The following SRGAP1 variants were observed in gnomAD, a reference collection of about 807,000 sequenced individuals.
SRGAP1 encodes the protein SLIT-ROBO Rho GTPase activating protein 1, also known as SLIT-ROBO Rho GTPase-activating protein 1.
Under a neutral mutation model 121.9 loss-of-function variants are expected in SRGAP1, and 43 were observed. The ratio of observed to expected loss-of-function variants is 0.35; its 90% confidence interval spans 0.28 to 0.46. The LOEUF (loss-of-function observed/expected upper bound fraction) is 0.46, where lower values mean the gene tolerates loss of function less well. Ranked by LOEUF, SRGAP1 falls within the 20% of genes least tolerant of loss-of-function variation. The probability of loss-of-function intolerance (pLI) is 1.00; values close to 1 mark genes in which losing one functional copy is unlikely to be tolerated. For synonymous variants in SRGAP1, 447 were observed against 485.4 expected (o/e 0.92, Z 1.04); for missense variants, 1,102 against 1,350.9 (o/e 0.82, Z 2.89).
intron 1 of SRGAP1, among the ~76,000 whole-genome samples, chr12:63,954,741 T>G (rs905352587): frequency 1.4e-5 from 2 of 142,634 alleles, no homozygotes; most frequent in African/African-American, 5.2e-5. Flanking sequence ...AATGGAAAAA[T>G]AGTTGAGCTA....
At chr12:63,943,215 C>T (rs1380872204) in intron 1 of SRGAP1, among the ~76,000 whole-genome samples, 1 of 152,110 alleles carries the variant, frequency 6.6e-6, no homozygotes, top group Admixed American at 6.5e-5. Flanking sequence ...TAATAAGCTG[C>T]AGACATTTTT....
rs59020353 is a variant in SRGAP1 at position 64,101,308 on chromosome 12, GGTGTGTGTGTGTGTGTGTGTGT to G, written c.1813+3955_1813+3976del. Among the ~76,000 whole-genome samples the G allele has an allele frequency of 3.7e-3, 515 of 138,096 alleles. 4 individuals are homozygous for G. The highest frequency in any genetic ancestry group is 0.019 in the Middle Eastern group (5 of 258). 90.6% of individuals were successfully genotyped at this position (138,096 alleles called of 152,430 possible). A position where few individuals can be genotyped will look rare whatever the true frequency, so the allele number is the denominator to read the frequency against. On this transcript the variant is annotated intron_variant, in intron 15 of 21. Coordinates refer to ENST00000355086, the MANE Select transcript of SRGAP1 (RefSeq NM_020762.4). ...TATTTTTGGATTGTTTGGGGAAAGG[GGTGTGTGTGTGTGTGTGTGTGT>G]GTGTGTGTGTGTGTGTGTGTGATGA...
chr12:64,147,929 A>G lies in SRGAP1; in HGVS notation c.*5257A>G, dbSNP rs1166956840. Reference sequence around the variant, plus strand: ...ACTTTCTCCTTGACAGCTAGCTTGCATTAAATAATGTGAAACTTTTACCTT... The same window carrying G: ...ACTTTCTCCTTGACAGCTAGCTTGCGTTAAATAATGTGAAACTTTTACCTT... On this transcript the variant is annotated 3_prime_UTR_variant, in exon 22 of 22. Coordinates refer to ENST00000355086, the MANE Select transcript of SRGAP1 (RefSeq NM_020762.4). 2.8e-6 allele frequency: 1 copy of G among 357,526 alleles called. No homozygotes were observed. Among genetic ancestry groups the G allele is most frequent in the Non-Finnish European group, 5.0e-6 (1 of 201,228 alleles). The allele number at this position is 357,526 out of a possible 1,614,324, so 22.1% of individuals were successfully genotyped here. A position where few individuals can be genotyped will look rare whatever the true frequency, so the allele number is the denominator to read the frequency against.
chr12:64,133,314 C>T (rs2036813683), intron 21 of SRGAP1, among the ~76,000 whole-genome samples: 1 of 152,182 alleles, frequency 6.6e-6, no homozygotes, highest in African/African-American at 2.4e-5. Flanking sequence ...GGGGTTCTGC[C>T]AGCTGCTAAG....
chr12:64,016,423 G>A (rs1021666168), intron 3 of SRGAP1, among the ~76,000 whole-genome samples: 6 of 152,094 alleles, frequency 3.9e-5, no homozygotes, highest in African/African-American at 1.4e-4. Context: ...GGGGTTCAAG[G>A]TTGCGGTGAG....
chr12:63,904,513 G>T (rs1264061176), intron 1 of SRGAP1, among the ~76,000 whole-genome samples: 1 of 152,194 alleles, frequency 6.6e-6, no homozygotes, highest in Non-Finnish European at 1.5e-5. Context: ...CTCTCCAGCT[G>T]TATGTGGCAC....
At chr12:63,886,760 C>T (rs1387059193) in intron 1 of SRGAP1, among the ~76,000 whole-genome samples, 2 of 152,070 alleles carry the variant, frequency 1.3e-5, no homozygotes, top group African/African-American at 2.4e-5. Flanking sequence ...CGTGAGACAC[C>T]ACGTCTGGCC....
intron 9 of SRGAP1, among the ~76,000 whole-genome samples, 156 bp downstream of exon 9, chr12:64,079,272 G>A (rs1038426034): frequency 6.6e-6 from 1 of 152,246 alleles, no homozygotes; most frequent in East Asian, 1.9e-4. Context: ...TTCGGAAAGA[G>A]TTTAGGAGTT....
At chr12:64,092,279 T>C (rs980937284) in intron 12 of SRGAP1, among the ~76,000 whole-genome samples, 11 of 152,308 alleles carry the variant, frequency 7.2e-5, no homozygotes, top group African/African-American at 2.6e-4. Context: ...GCTTTCTCCT[T>C]TGTAGTTCAC....
Position 64,146,742 on chromosome 12 carries a change from C to CT in SRGAP1, c.*4071dup, listed in dbSNP as rs2037058617. 1 of 152,162 alleles carries CT rather than the reference C, an allele frequency of 6.6e-6. No homozygotes were observed. The highest frequency in any genetic ancestry group is 1.9e-4 in the East Asian group (1 of 5,180). The allele number at this position is 152,162 out of a possible 1,614,324, so 9.4% of individuals were successfully genotyped here. ...AATAGAGCTCCCTACTCCAGACCACCTGCCACCCACCTCCCAAGTTGAGAA... is the reference window on the plus strand; with the variant it reads ...AATAGAGCTCCCTACTCCAGACCACCTTGCCACCCACCTCCCAAGTTGAGAA... On this transcript the variant is annotated 3_prime_UTR_variant, in exon 22 of 22. Transcript: ENST00000355086.
chr12:63,972,416 A>G lies in SRGAP1; in HGVS notation c.68-11531A>G, dbSNP rs191323710. 7.9e-5 allele frequency among the ~76,000 whole-genome samples: 12 copies of G among 152,342 alleles called. No homozygotes were observed. In the East Asian group the frequency reaches 1.9e-3, roughly 24 times the overall value. On this transcript the variant is annotated intron_variant, in intron 1 of 21. Transcript: ENST00000355086. ...ATACTGTTTATAGGAGAAACCTTAT[A>G]GGGTTGGAGGCCATAAGGAGCAAAG...
intron 3 of SRGAP1, among the ~76,000 whole-genome samples, chr12:63,998,932 A>G (rs1307964408): frequency 6.6e-6 from 1 of 152,136 alleles, no homozygotes. Flanking sequence ...TACAGCAGTA[A>G]CCAATACAGG....
intron 3 of SRGAP1, among the ~76,000 whole-genome samples, chr12:64,013,246 G>A (rs1347615574): frequency 6.6e-6 from 1 of 152,174 alleles, no homozygotes; most frequent in Non-Finnish European, 1.5e-5. Flanking sequence ...CATATTTAAA[G>A]TGGGGGTAAC....
chr12:63,990,454 C>T (rs1593011029), intron 3 of SRGAP1, among the ~76,000 whole-genome samples: 1 of 152,182 alleles, frequency 6.6e-6, no homozygotes, highest in East Asian at 1.9e-4. Context: ...ATCACTTGAA[C>T]CCAGGAGGCG....
intron 6 of SRGAP1, among the ~76,000 whole-genome samples, chr12:64,049,946 A>G (rs954515264): frequency 5.3e-5 from 8 of 152,160 alleles, no homozygotes; most frequent in East Asian, 1.9e-4. Flanking sequence ...TTGGTATTTC[A>G]TAGAGATTGC....
intron 6 of SRGAP1, among the ~76,000 whole-genome samples, chr12:64,046,542 G>A (rs909070835): frequency 6.6e-6 from 1 of 152,136 alleles, no homozygotes; most frequent in East Asian, 1.9e-4. Context: ...GAGCTCACAG[G>A]AATTTGCTGC....
At chr12:64,095,812 A>C (rs1464623630) in intron 14 of SRGAP1, among the ~76,000 whole-genome samples, 1 of 152,180 alleles carries the variant, frequency 6.6e-6, no homozygotes, top group African/African-American at 2.4e-5. Context: ...CCAGGCATAC[A>C]GTGTGTAATG....
At chr12:63,939,557 C>G (rs2031789041) in intron 1 of SRGAP1, among the ~76,000 whole-genome samples, 1 of 152,008 alleles carries the variant, frequency 6.6e-6, no homozygotes, top group African/African-American at 2.4e-5. Context: ...TAAATGCACC[C>G]CATAGTGTTT....
chr12:64,046,660 C>G (rs2035136690), intron 6 of SRGAP1, among the ~76,000 whole-genome samples: 1 of 152,108 alleles, frequency 6.6e-6, no homozygotes, highest in African/African-American at 2.4e-5. Context: ...AGGGGAGAAG[C>G]AGGCTGAAGC....
Sources: allele counts gnomAD v4.1 joint callset (sites outside exome capture counted in the v4.1 genomes callset), GRCh38; gene constraint gnomAD v4.1.1; transcripts MANE v1.5; gene names NCBI Gene and HGNC (gene_info 2026-07-23, HGNC 2026-07-21).